The following VPS13C variants were observed in gnomAD, a reference collection of about 807,000 sequenced individuals.
VPS13C encodes the protein vacuolar protein sorting 13 homolog C.
In VPS13C, 358 loss-of-function variants were observed where a neutral mutation model predicts 456.8. The observed-to-expected ratio is 0.78, with a 90% CI of 0.72 to 0.86. The LOEUF (loss-of-function observed/expected upper bound fraction) is 0.86, where lower values mean the gene tolerates loss of function less well. Among genes scored for constraint, VPS13C ranks in the 40% least tolerant of loss-of-function variants. The probability of loss-of-function intolerance (pLI) is 0.00; values close to 1 mark genes in which losing one functional copy is unlikely to be tolerated. For synonymous variants in VPS13C, 1,578 were observed against 1,486.7 expected (o/e 1.06, Z -1.41); for missense variants, 4,818 against 4,385.4 (o/e 1.10, Z -2.79).
intron 1 of VPS13C, among the ~76,000 whole-genome samples, chr15:62,048,501 C>T (rs541464037): frequency 3.7e-4 from 56 of 152,178 alleles, no homozygotes; most frequent in Middle Eastern, 3.4e-3. Flanking sequence ...TCCAGTCTAT[C>T]GTTGTTGGAC....
chr15:61,945,120 A>G (rs1216883661), intron 45 of VPS13C, among the ~76,000 whole-genome samples: 2 of 152,162 alleles, frequency 1.3e-5, no homozygotes, highest in African/African-American at 2.4e-5. Flanking sequence ...GTCATGTAAG[A>G]CGTGCCTGCT....
At position 62,014,177 on chromosome 15, in the gene VPS13C, T is replaced by C. The variant is rs531503188; in HGVS notation, c.685-185A>G. Among the ~76,000 whole-genome samples the C allele has an allele frequency of 3.9e-5, 6 of 152,170 alleles. No individual in the cohort carries two copies. The East Asian group carries it at 5.8e-4, about 15-fold the overall frequency. On this transcript the variant is annotated intron_variant, in intron 9 of 84. Transcript: ENST00000644861. ...AATCAAAGAAACAATGAAAAGAGAATTGACATGATTCTAATTTGAGTTCAT... is the reference window on the plus strand; with the variant it reads ...AATCAAAGAAACAATGAAAAGAGAACTGACATGATTCTAATTTGAGTTCAT...
chr15:62,013,399 C>T (rs113786453), intron 10 of VPS13C, among the ~76,000 whole-genome samples: 2,869 of 151,772 alleles, frequency 0.019, 57 homozygotes, highest in South Asian at 0.069. Context: ...ATTTAACAGA[C>T]CCTGTAAATA....
intron 42 of VPS13C, among the ~76,000 whole-genome samples, chr15:61,948,381 G>A (rs2044675700): frequency 6.6e-6 from 1 of 151,862 alleles, no homozygotes; most frequent in South Asian, 2.1e-4. Flanking sequence ...CTGTTCCATG[G>A]TTTAAAAAAA....
chr15:61,992,888 T>A (rs2046268165), intron 16 of VPS13C, among the ~76,000 whole-genome samples: 2 of 151,948 alleles, frequency 1.3e-5, no homozygotes, highest in Non-Finnish European at 2.9e-5. Flanking sequence ...TTTTTTTAAT[T>A]CCCCTGGTGA....
chr15:61,997,327 C>T (rs2046422098), intron 16 of VPS13C, among the ~76,000 whole-genome samples: 1 of 152,120 alleles, frequency 6.6e-6, no homozygotes, highest in Non-Finnish European at 1.5e-5. Context: ...CTGATTGTAA[C>T]AATAGAAGCT....
chr15:61,931,061 A>G, intron 50 of VPS13C, 29 bp downstream of exon 50: 2 of 1,612,520 alleles, frequency 1.2e-6, no homozygotes, highest in Non-Finnish European at 1.7e-6. Context: ...AACCTTAAAT[A>G]ATGTATTGCA....
At chr15:61,972,797 C>T in intron 26 of VPS13C, 33 bp from the exon 27 acceptor site, 1 of 1,573,664 alleles carries the variant, frequency 6.4e-7, no homozygotes, top group Non-Finnish European at 8.6e-7. Context: ...TGATCTGAGA[C>T]AATGTACATT....
intron 9 of VPS13C, among the ~76,000 whole-genome samples, chr15:62,018,840 T>C (rs1213900843): frequency 6.6e-6 from 1 of 152,206 alleles, no homozygotes; most frequent in Non-Finnish European, 1.5e-5. Flanking sequence ...TTCTATTGAT[T>C]GGAATAGTTT....
intron 47 of VPS13C, among the ~76,000 whole-genome samples, chr15:61,938,266 T>TGG (rs35262268): frequency 3.3e-5 from 5 of 150,840 alleles, no homozygotes; most frequent in African/African-American, 1.2e-4. Context: ...CACTTTGCTG[T>TGG]GGGGTGGGGG....
chr15:61,908,311 T>C (rs2140138192), intron 65 of VPS13C, among the ~76,000 whole-genome samples: 1 of 152,060 alleles, frequency 6.6e-6, no homozygotes, highest in East Asian at 1.9e-4. Context: ...CATATATACA[T>C]ACATTTATAT....
Position 61,909,023 on chromosome 15 carries a change from T to G in VPS13C, c.8947A>C (p.Thr2983Pro). 1 of 1,614,028 alleles carries G rather than the reference T, an allele frequency of 6.2e-7. No individual in the cohort carries two copies. Among genetic ancestry groups the G allele is most frequent in the Non-Finnish European group, 8.5e-7 (1 of 1,179,976 alleles). ...GSAPALIMNH[T>P]PWDILTYKQS... ...TTGTATGTGAGGATGTCCCATGGTG[T>G]ATGGTTCATTATCAAGGCAGGTGCA... The change falls in exon 65 of 85, where the codon ACA (threonine) becomes CCA (proline). Residue 2983 changes from threonine to proline, a missense_variant. Thr to Pro is a conservative substitution (Grantham distance 38). Coordinates refer to ENST00000644861, the MANE Select transcript of VPS13C (RefSeq NM_020821.3).
intron 66 of VPS13C, among the ~76,000 whole-genome samples, chr15:61,899,790 C>A (rs541955233): frequency 1.3e-5 from 2 of 152,028 alleles, no homozygotes; most frequent in Non-Finnish European, 2.9e-5. Flanking sequence ...GATACCAAAG[C>A]TGGGCAGAGA....
intron 15 of VPS13C, among the ~76,000 whole-genome samples, chr15:62,002,153 T>C (rs191457386): frequency 1.2e-4 from 18 of 152,346 alleles, no homozygotes; most frequent in Non-Finnish European, 1.8e-4. Flanking sequence ...AAGGTGTTCC[T>C]ATTTCTCCAC....
chr15:61,865,912 T>G (rs985946457), intron 81 of VPS13C: 1 of 978,690 alleles, frequency 1.0e-6, no homozygotes, highest in Middle Eastern at 5.3e-4. Context: ...AAGTAGTACT[T>G]AGGAGAAAAA....
In VPS13C at chr15:61,868,655, T is replaced by C. The variant is rs1303489590; in HGVS notation, c.10863+4A>G. ...CACTCGTGACCATGAAGAACAAAAT[T>C]TACCTCAAGTAAGTCAGAGCCCTCA... On this transcript the variant is annotated splice_donor_region_variant and intron_variant, in intron 81 of 84. Transcript: ENST00000644861. 16 of 1,613,340 alleles carry C rather than the reference T, an allele frequency of 9.9e-6. No homozygotes were observed. Among genetic ancestry groups the C allele is most frequent in the African/African-American group, 1.3e-5 (1 of 74,878 alleles).
intron 1 of VPS13C, among the ~76,000 whole-genome samples, chr15:62,050,993 T>C (rs999443337): frequency 2.0e-5 from 3 of 151,228 alleles, no homozygotes; most frequent in Middle Eastern, 3.2e-3. Context: ...AGTGTATTTA[T>C]GAATAAAAAT....
At chr15:61,856,660 G>A (rs1893923406) in intron 82 of VPS13C, 3 of 220,078 alleles carry the variant, frequency 1.4e-5, no homozygotes, top group Admixed American at 1.2e-4. Flanking sequence ...ATTCAGAAAA[G>A]TGTAACTTTT....
At chr15:61,866,978 A>T (rs2140861837) in intron 81 of VPS13C, 1 of 978,252 alleles carries the variant, frequency 1.0e-6, no homozygotes, top group East Asian at 1.1e-4. Context: ...TCCATCATTT[A>T]TTACAAAAAA....
Sources: gnomAD v4.1 joint callset for allele counts (sites outside exome capture counted in the v4.1 genomes callset) on GRCh38, gnomAD v4.1.1 for gene constraint, MANE v1.5 for transcripts, NCBI Gene and HGNC (gene_info 2026-07-23, HGNC 2026-07-21) for gene names.